UMAD1: variants seen among roughly 807,000 people sequenced by gnomAD.
The protein encoded by UMAD1 is UBAP1-MVB12-associated (UMA) domain containing 1.
In UMAD1, 8 loss-of-function variants were observed where a neutral mutation model predicts 6.1. The ratio of observed to expected loss-of-function variants is 1.30; its 90% CI spans 0.76 to 2.35. UMAD1 has a LOEUF of 2.35. UMAD1 is among the 30% of genes most tolerant of loss of function. UMAD1 has a pLI of 0.00. For missense variants in UMAD1, 130 were observed against 78.4 expected, an observed-to-expected ratio of 1.66 and a Z score of -2.49; for synonymous variants, 56 against 31.4, an observed-to-expected ratio of 1.78 and a Z score of -2.61.
intron 2 of UMAD1, chr7:7,741,924 G>A (rs529585887): frequency 8.0e-5 from 14 of 175,868 alleles, no homozygotes; most frequent in Non-Finnish European, 1.2e-4. Context: ...TATTTTTAGC[G>A]TAATAAAATC....
chr7:7,824,926 G>A (rs1428543657), intron 3 of UMAD1, among the ~76,000 whole-genome samples: 1 of 152,148 alleles, frequency 6.6e-6, no homozygotes, highest in Non-Finnish European at 1.5e-5. Context: ...CACCTATGCT[G>A]TTTATTAGTT....
chr7:7,643,764 A>T (rs6955624), intron 1 of UMAD1, among the ~76,000 whole-genome samples: 124,428 of 149,402 alleles, frequency 0.83, 51,843 homozygotes, highest in East Asian at 0.89. Flanking sequence ...GTTAAATCGG[A>T]CACTTGACCT....
intron 3 of UMAD1, among the ~76,000 whole-genome samples, chr7:7,849,836 G>A (rs80353322): frequency 0.055 from 8,373 of 152,138 alleles, 608 homozygotes; most frequent in East Asian, 0.24. Context: ...AAGATGGAGT[G>A]GACAGAGCAG....
At chr7:7,776,967 G>A (rs1434341431) in intron 2 of UMAD1, among the ~76,000 whole-genome samples, 6 of 152,044 alleles carry the variant, frequency 3.9e-5, no homozygotes, top group Non-Finnish European at 7.4e-5. Flanking sequence ...ATGTCTACAC[G>A]AGCAAATGCA....
At chr7:7,700,970 A>C (rs778964095) in intron 2 of UMAD1, among the ~76,000 whole-genome samples, 6 of 152,188 alleles carry the variant, frequency 3.9e-5, no homozygotes, top group Non-Finnish European at 5.9e-5. Context: ...GAATTGCTTG[A>C]GCCCAGGAGT....
At position 7,764,152 on chromosome 7, in the gene UMAD1, G is replaced by C. The variant is rs925065940; in HGVS notation, c.83-37518G>C. ...GACAGCAAAGCAGATATGAGGTTGC[G>C]GTGTGATACGGCAGTCACAGAGCTG... On this transcript the variant is annotated intron_variant, in intron 2 of 3. Coordinates refer to ENST00000682710, the MANE Select transcript of UMAD1 (RefSeq NM_001302348.2). 2.0e-5 allele frequency among the ~76,000 whole-genome samples: 3 copies of C among 152,128 alleles called. No individual in the cohort carries two copies. The East Asian group carries it at 5.8e-4, about 29-fold the overall frequency.
At chr7:7,802,678 C>G (rs180874352) in intron 3 of UMAD1, among the ~76,000 whole-genome samples, 1 of 152,180 alleles carries the variant, frequency 6.6e-6, no homozygotes, top group African/African-American at 2.4e-5. Context: ...TGACACACCT[C>G]TACCTGTATT....
At chr7:7,806,158 AC>A (rs1323906399) in intron 3 of UMAD1, among the ~76,000 whole-genome samples, 1 of 152,110 alleles carries the variant, frequency 6.6e-6, no homozygotes, top group African/African-American at 2.4e-5. Context: ...TTTCTCCTAC[AC>A]CAACTAGGTC....
At chr7:7,860,566 C>G (rs1784094864) in intron 3 of UMAD1, among the ~76,000 whole-genome samples, 1 of 140,124 alleles carries the variant, frequency 7.1e-6, no homozygotes, top group Non-Finnish European at 1.5e-5. Context: ...AGAGACCATC[C>G]TGGCTAACAC....
chr7:7,800,616 A>G (rs1430603409), intron 2 of UMAD1, among the ~76,000 whole-genome samples: 20 of 152,130 alleles, frequency 1.3e-4, no homozygotes, highest in Admixed American at 1.3e-3. Flanking sequence ...TGAGTCCCCA[A>G]AGTCTAATGT....
chr7:7,783,582 C>G (rs1286730700), intron 2 of UMAD1, among the ~76,000 whole-genome samples: 7 of 152,134 alleles, frequency 4.6e-5, no homozygotes, highest in Non-Finnish European at 8.8e-5. Flanking sequence ...ATCTCAAAGG[C>G]TGCTTCCAGG....
intron 2 of UMAD1, among the ~76,000 whole-genome samples, chr7:7,689,863 C>G (rs868588661): frequency 1.2e-4 from 18 of 152,130 alleles, no homozygotes; most frequent in African/African-American, 3.4e-4. Flanking sequence ...CATATTACTG[C>G]TACAAAGCAG....
At chr7:7,832,425 T>C (rs73055867) in intron 3 of UMAD1, among the ~76,000 whole-genome samples, 5,841 of 152,276 alleles carry the variant, frequency 0.038, 180 homozygotes, top group Non-Finnish European at 0.049. Flanking sequence ...TGATCCTCTC[T>C]TCCCAGATAT....
chr7:7,668,815 T>A (rs1410986711), intron 1 of UMAD1, among the ~76,000 whole-genome samples: 4 of 152,228 alleles, frequency 2.6e-5, no homozygotes, highest in Admixed American at 2.6e-4. Flanking sequence ...AGTTAAGTGC[T>A]ACAGCTGGCC....
chr7:7,728,786 A>G lies in UMAD1; in HGVS notation c.82+55333A>G, dbSNP rs141045655. On this transcript the variant is annotated intron_variant, in intron 2 of 3. Coordinates refer to ENST00000682710, the MANE Select transcript of UMAD1 (RefSeq NM_001302348.2). ...TTAAGATTCCAGTAGTCTTTTCACT[A>G]TGTTCCTTCTCATTTGTGGTGTATC... is the stretch of plus-strand genomic sequence containing the variant. Among the ~76,000 whole-genome samples, 430 of 152,278 alleles carry G rather than the reference A, an allele frequency of 2.8e-3. 2 individuals are homozygous for G. Among genetic ancestry groups the G allele is most frequent in the African/African-American group, 8.8e-3 (366 of 41,560 alleles).
chr7:7,782,644 AT>A (rs1174541699), intron 2 of UMAD1, among the ~76,000 whole-genome samples: 1 of 152,150 alleles, frequency 6.6e-6, no homozygotes, highest in East Asian at 1.9e-4. Flanking sequence ...TAATCAGAAA[AT>A]AATACTTTAA....
chr7:7,783,615 C>A (rs904435271), intron 2 of UMAD1, among the ~76,000 whole-genome samples: 11 of 152,132 alleles, frequency 7.2e-5, no homozygotes, highest in African/African-American at 2.7e-4. Flanking sequence ...AGATTTGTAG[C>A]TTAAAAACGA....
At chr7:7,796,024 C>A (rs1432022316) in intron 2 of UMAD1, among the ~76,000 whole-genome samples, 4 of 151,962 alleles carry the variant, frequency 2.6e-5, no homozygotes, top group African/African-American at 9.7e-5. Flanking sequence ...AGGCCTCTGA[C>A]AAGGGGACAG....
At chr7:7,704,482 G>A (rs1203320393) in intron 2 of UMAD1, among the ~76,000 whole-genome samples, 3 of 151,578 alleles carry the variant, frequency 2.0e-5, no homozygotes, top group East Asian at 1.9e-4. Context: ...TGGGCCGGGC[G>A]CGGTGGCTCA....
Sources: gnomAD v4.1 joint callset for allele counts (sites outside exome capture counted in the v4.1 genomes callset) on GRCh38, gnomAD v4.1.1 for gene constraint, MANE v1.5 for transcripts, NCBI Gene and HGNC (gene_info 2026-07-23, HGNC 2026-07-21) for gene names.